PTMS: variants seen among roughly 807,000 people sequenced by gnomAD.
The protein encoded by PTMS is parathymosin.
PTMS carries 5 observed loss-of-function variants against 18.4 expected under a neutral mutation model. The observed-to-expected ratio is 0.27, with a 90% confidence interval of 0.14 to 0.57. The LOEUF (loss-of-function observed/expected upper bound fraction) is 0.57, where lower values mean the gene tolerates loss of function less well. Ranked by LOEUF, PTMS falls within the 20% of genes least tolerant of loss-of-function variation. PTMS has a pLI of 0.92. For synonymous variants in PTMS, 53 were observed against 47.7 expected (o/e 1.11, Z -0.46); for missense variants, 93 against 124.6 (o/e 0.75, Z 1.21).
intron 1 of PTMS, among the ~76,000 whole-genome samples, chr12:6,768,782 G>A (rs1271313461): frequency 6.6e-6 from 1 of 152,122 alleles, no homozygotes; most frequent in African/African-American, 2.4e-5. Context: ...GCTGGTGGGA[G>A]GGTCTCCTAG....
chr12:6,769,895 G>GCTA, intron 2 of PTMS, 26 bp from the exon 3 acceptor site: 1 of 1,571,708 alleles, frequency 6.4e-7, no homozygotes. Context: ...CCAGCCTGAG[G>GCTA]CTACTCCCTC....
rs936986182 is a variant in PTMS at position 6,770,101 on chromosome 12, G to A, written c.197-56G>A. The A allele has an allele frequency of 1.5e-5, 24 of 1,611,612 alleles. No individual in the cohort carries two copies. Among genetic ancestry groups the A allele is most frequent in the Non-Finnish European group, 2.0e-5 (23 of 1,178,896 alleles). ...CTGAAGCAGGGCTGAGGGCGACCAC[G>A]GGGGCTCTGCCAGAGCTTCCTGCCC... On this transcript the variant is annotated intron_variant, in intron 3 of 4. Coordinates refer to ENST00000309083, the MANE Select transcript of PTMS (RefSeq NM_002824.6). This position sits in a 1 kb window ranked among gnomAD's most constrained non-coding sequence, Gnocchi z 7.3.
rs775126675 is a variant in PTMS, at chr12:6,770,419, A to G, written c.286A>G (p.Thr96Ala). 6.2e-7 allele frequency: 1 copy of G among 1,613,020 alleles called. No individual in the cohort carries two copies. The highest frequency in any genetic ancestry group is 8.5e-7 in the Non-Finnish European group (1 of 1,179,732). ...TGAAGCGGATCCCAAACGGCAGAAG[A>G]CAGAAAATGGGGCATCGGCGTGAGC... is the stretch of plus-strand genomic sequence containing the variant. ...EDEADPKRQK[T>A]ENGASA The change falls in exon 5 of 5, where the codon ACA becomes GCA. Residue 96 changes from threonine to alanine, a missense_variant. By Grantham distance (58) the Thr-to-Ala change is moderately conservative. Coordinates refer to ENST00000309083, the MANE Select transcript of PTMS (RefSeq NM_002824.6). This position sits in a 1 kb window ranked among gnomAD's most constrained non-coding sequence, Gnocchi z 7.3.
At chr12:6,766,990 C>CGCCGGCCCCCGCA (rs1941774312) in intron 1 of PTMS, among the ~76,000 whole-genome samples, 1 of 151,882 alleles carries the variant, frequency 6.6e-6, no homozygotes, top group Non-Finnish European at 1.5e-5. Flanking sequence ...GCTCCGGTCG[C>CGCCGGCCCCCGCA]GCCGTCCCCC....
At chr12:6,769,834 T>C (rs572553716) in intron 2 of PTMS, 87 bp from the exon 3 acceptor site, 11 of 1,609,730 alleles carry the variant, frequency 6.8e-6, no homozygotes, top group Non-Finnish European at 9.3e-6. Context: ...CAAGCCCTTT[T>C]ATCACCCAGG....
At position 6,770,542 on chromosome 12, in the gene PTMS, G is replaced by A. The variant is rs1941825533; in HGVS notation, c.*100G>A. 4.3e-6 allele frequency: 6 copies of A among 1,400,274 alleles called. No homozygotes were observed. In the South Asian group the frequency reaches 7.0e-5, roughly 16 times the overall value. 86.7% of individuals were successfully genotyped at this position (1,400,274 alleles called of 1,614,324 possible). A position where few individuals can be genotyped will look rare whatever the true frequency, so the allele number is the denominator to read the frequency against. On this transcript the variant is annotated 3_prime_UTR_variant, in exon 5 of 5. Coordinates refer to ENST00000309083, the MANE Select transcript of PTMS (RefSeq NM_002824.6). This position sits in a 1 kb window ranked among gnomAD's most constrained non-coding sequence, Gnocchi z 7.3. ...ACTCTTCACCTGGCTCCCTGCTCTG[G>A]GCCCTGCACCAGAGCTGCCACCCTC...
chr12:6,766,842 G>C, intron 1 of PTMS, 92 bp downstream of exon 1: 1 of 892,386 alleles, frequency 1.1e-6, no homozygotes, highest in Non-Finnish European at 1.4e-6. Flanking sequence ...GGCCCCGCGC[G>C]GCCCTTGCGC....
rs1265264360 is a variant in PTMS, at chr12:6,770,103, G to C, written c.197-54G>C. On this transcript the variant is annotated intron_variant, in intron 3 of 4. Transcript: ENST00000309083. The surrounding 1 kb of genome is among the most constrained non-coding windows in gnomAD (Gnocchi z 7.3). ...GAAGCAGGGCTGAGGGCGACCACGGGGGCTCTGCCAGAGCTTCCTGCCCTT... is the reference window on the plus strand; with the variant it reads ...GAAGCAGGGCTGAGGGCGACCACGGCGGCTCTGCCAGAGCTTCCTGCCCTT... 3 of 1,612,430 alleles carry C rather than the reference G, an allele frequency of 1.9e-6. No homozygotes were observed. The highest frequency in any genetic ancestry group is 1.7e-5 in the Admixed American group (1 of 59,874).
At chr12:6,768,453 C>T (rs994260183) in intron 1 of PTMS, among the ~76,000 whole-genome samples, 8 of 152,154 alleles carry the variant, frequency 5.3e-5, no homozygotes, top group African/African-American at 1.9e-4. Flanking sequence ...TTGAGTGCCC[C>T]CCAGGGCAGC....
rs113641308 is a variant in PTMS at position 6,770,743 on chromosome 12, G to T, written c.*301G>T. On this transcript the variant is annotated 3_prime_UTR_variant, in exon 5 of 5. Coordinates refer to ENST00000309083, the MANE Select transcript of PTMS (RefSeq NM_002824.6). This position sits in a 1 kb window ranked among gnomAD's most constrained non-coding sequence, Gnocchi z 7.3. ...CCCTACCAGCCTCATTCTTCCTCCG[G>T]TAGCCTCTCCCACCTAACCTCTGCA... The T allele has an allele frequency of 2.1e-6, 1 of 487,188 alleles. No individual in the cohort carries two copies. The highest frequency in any genetic ancestry group is 3.8e-6 in the Non-Finnish European group (1 of 265,422). 30.2% of individuals were successfully genotyped at this position (487,188 alleles called of 1,614,324 possible).
chr12:6,769,907 C>T lies in PTMS; in HGVS notation c.118-14C>T, dbSNP rs1439698671. 3 of 1,564,934 alleles carry T rather than the reference C, an allele frequency of 1.9e-6. No individual in the cohort carries two copies. The highest frequency in any genetic ancestry group is 1.4e-5 in the African/African-American group (1 of 73,360). ...CAGCCAGCCTGAGGCTACTCCCTCT[C>T]CTGGTCCCCACAGGAGGAGGAGAAC... is the stretch of plus-strand genomic sequence containing the variant. On this transcript the variant is annotated splice_polypyrimidine_tract_variant and intron_variant, in intron 2 of 4. Transcript: ENST00000309083.
At position 6,766,506 on chromosome 12, in the gene PTMS, A is replaced by ACCCCCCCCCC; in HGVS notation, c.-197_-196insCCCCCCCCCC. Reference sequence around the variant, plus strand: ...GCAGCCCTGCGGGTCTCCGCTCCAGACCCACCCCCGCCCCACCCCGCGCGC... The same window carrying ACCCCCCCCCC: ...GCAGCCCTGCGGGTCTCCGCTCCAGACCCCCCCCCCCCCACCCCCGCCCCACCCCGCGCGC... On this transcript the variant is annotated 5_prime_UTR_variant, in exon 1 of 5. Transcript: ENST00000309083. 1 of 233,642 alleles carries ACCCCCCCCCC rather than the reference A, an allele frequency of 4.3e-6. No individual in the cohort carries two copies. Among genetic ancestry groups the ACCCCCCCCCC allele is most frequent in the Non-Finnish European group, 8.7e-6 (1 of 115,076 alleles). The allele number at this position is 233,642 out of a possible 1,614,324, so 14.5% of individuals were successfully genotyped here.
In PTMS at chr12:6,766,652, G is replaced by C; in HGVS notation, c.-54G>C. 1 of 1,070,996 alleles carries C rather than the reference G, an allele frequency of 9.3e-7. No individual in the cohort carries two copies. Among genetic ancestry groups the C allele is most frequent in the Non-Finnish European group, 1.1e-6 (1 of 874,310 alleles). 66.3% of individuals were successfully genotyped at this position (1,070,996 alleles called of 1,614,324 possible). A position where few individuals can be genotyped will look rare whatever the true frequency, so the allele number is the denominator to read the frequency against. On this transcript the variant is annotated 5_prime_UTR_variant, in exon 1 of 5. Coordinates refer to ENST00000309083, the MANE Select transcript of PTMS (RefSeq NM_002824.6). Reference sequence around the variant, plus strand: ...ACCCTCCGCCGTCCAGGGCCCCTCCGTCTCGGCCCCGGGACCCCGGCTCCC... The same window carrying C: ...ACCCTCCGCCGTCCAGGGCCCCTCCCTCTCGGCCCCGGGACCCCGGCTCCC...
At chr12:6,766,857 G>C in intron 1 of PTMS, 107 bp downstream of exon 1, 1 of 751,110 alleles carries the variant, frequency 1.3e-6, no homozygotes, top group Admixed American at 5.9e-5. Context: ...TTGCGCCCGG[G>C]TCCTGGCGGA....
In PTMS at chr12:6,769,253, C is replaced by T. The variant is rs556670522; in HGVS notation, c.46-350C>T. The stretch of plus-strand genomic sequence containing the variant: ...CGGAGGGACACAGGAGGGGGCGGGG[C>T]ACTGAGGCTGCAAGCAGATGGAGAG... On this transcript the variant is annotated intron_variant, in intron 1 of 4. Coordinates refer to ENST00000309083, the MANE Select transcript of PTMS (RefSeq NM_002824.6). 12 of 299,244 alleles carry T rather than the reference C, an allele frequency of 4.0e-5. No individual in the cohort carries two copies. In the Admixed American group the frequency reaches 6.0e-4, roughly 15 times the overall value. The allele number at this position is 299,244 out of a possible 1,614,324, so 18.5% of individuals were successfully genotyped here.
intron 1 of PTMS, 27 bp from the exon 2 acceptor site, chr12:6,769,576 G>A: frequency 1.2e-6 from 2 of 1,613,594 alleles, no homozygotes; most frequent in Non-Finnish European, 1.7e-6. Flanking sequence ...TTTGTGGTGA[G>A]AAAGGTGACC....
intron 1 of PTMS, among the ~76,000 whole-genome samples, chr12:6,768,434 A>AGAAGG (rs1941799166): frequency 6.6e-6 from 1 of 152,132 alleles, no homozygotes; most frequent in Non-Finnish European, 1.5e-5. Flanking sequence ...CCTTAAAGGG[A>AGAAGG]GAAGGGAATT....
At position 6,770,609 on chromosome 12, in the gene PTMS, T is replaced by C. The variant is rs1941826402; in HGVS notation, c.*167T>C. ...TTCTCATTTCCGCCTCTCCAGACAC[T>C]GCGCCCTCCACCCTCACTCTGCCAT... is the stretch of plus-strand genomic sequence containing the variant. On this transcript the variant is annotated 3_prime_UTR_variant, in exon 5 of 5. Transcript: ENST00000309083. This position sits in a 1 kb window ranked among gnomAD's most constrained non-coding sequence, Gnocchi z 7.3. 1.3e-6 allele frequency: 1 copy of C among 756,142 alleles called. No homozygotes were observed. The highest frequency in any genetic ancestry group is 2.2e-6 in the Non-Finnish European group (1 of 457,388). The allele number at this position is 756,142 out of a possible 1,614,324, so 46.8% of individuals were successfully genotyped here.
Position 6,770,341 on chromosome 12 carries a change from G to C in PTMS, c.259-51G>C, listed in dbSNP as rs1401247190. The C allele has an allele frequency of 6.2e-7, 1 of 1,610,324 alleles. No individual in the cohort carries two copies. Among genetic ancestry groups the C allele is most frequent in the African/African-American group, 1.3e-5 (1 of 74,736 alleles). On this transcript the variant is annotated intron_variant, in intron 4 of 4. Transcript: ENST00000309083. The surrounding 1 kb of genome is among the most constrained non-coding windows in gnomAD (Gnocchi z 7.3). ...GGGCTGGAACAGGACCGGGACAGGGGGAGGTCTCCCCTCCCATTTTACAGC... is the reference window on the plus strand; with the variant it reads ...GGGCTGGAACAGGACCGGGACAGGGCGAGGTCTCCCCTCCCATTTTACAGC...
Sources: allele counts gnomAD v4.1 joint callset (sites outside exome capture counted in the v4.1 genomes callset), GRCh38; gene constraint gnomAD v4.1.1; non-coding constraint Gnocchi (gnomAD v3.1); transcripts MANE v1.5; gene names NCBI Gene and HGNC (gene_info 2026-07-23, HGNC 2026-07-21).